SMARCA2: variants seen among roughly 807,000 people sequenced by gnomAD.
The protein encoded by SMARCA2 is SWI/SNF-related matrix-associated actin-dependent regulator of chromatin subfamily A member 2.
A neutral mutation model predicts 199.8 loss-of-function variants in SMARCA2; 61 were observed. The observed-to-expected ratio is 0.31, with a 90% CI of 0.25 to 0.38. SMARCA2 has a LOEUF of 0.38. SMARCA2 is among the 10% of genes least tolerant of loss of function. The pLI is 1.00. For synonymous variants in SMARCA2, 935 were observed against 732.0 expected (o/e 1.28, Z -4.48); for missense variants, 1,344 against 2,012.2 (o/e 0.67, Z 6.35).
chr9:2,173,080 A>G (rs1182138970), intron 29 of SMARCA2, among the ~76,000 whole-genome samples: 1 of 152,164 alleles, frequency 6.6e-6, no homozygotes, highest in African/African-American at 2.4e-5. Flanking sequence ...GAGGAGGAAG[A>G]GAACTCACAT....
intron 29 of SMARCA2, among the ~76,000 whole-genome samples, chr9:2,178,510 C>A (rs1053567676): frequency 6.6e-6 from 1 of 152,122 alleles, no homozygotes; most frequent in Non-Finnish European, 1.5e-5. Flanking sequence ...AAACAGAACA[C>A]CTTCTGTAAA....
intron 27 of SMARCA2, among the ~76,000 whole-genome samples, chr9:2,140,168 C>A (rs771387744): frequency 6.6e-6 from 1 of 152,224 alleles, no homozygotes; most frequent in African/African-American, 2.4e-5. Flanking sequence ...GTCACCTACT[C>A]TGGTCCCATT....
Position 2,192,757 on chromosome 9 carries a change from C to A in SMARCA2, c.*18C>A. 1 of 1,591,516 alleles carries A rather than the reference C, an allele frequency of 6.3e-7. No homozygotes were observed. The highest frequency in any genetic ancestry group is 1.1e-5 in the South Asian group (1 of 90,568). Reference sequence around the variant, plus strand: ...ATGAGTGATCAGTATGGACCTTTTTCCTTGGTAGAACTGAATTCCTTCCTC... The same window carrying A: ...ATGAGTGATCAGTATGGACCTTTTTACTTGGTAGAACTGAATTCCTTCCTC... On this transcript the variant is annotated 3_prime_UTR_variant, in exon 34 of 34. Coordinates refer to ENST00000349721, the MANE Select transcript of SMARCA2 (RefSeq NM_003070.5).
chr9:2,149,636 G>C (rs552400236), intron 27 of SMARCA2, among the ~76,000 whole-genome samples: 1 of 151,468 alleles, frequency 6.6e-6, no homozygotes, highest in African/African-American at 2.4e-5. Context: ...ATCTCCCACC[G>C]GGTCCTTCGC....
Position 2,123,280 on chromosome 9 carries a change from G to A in SMARCA2, c.3763-439G>A, listed in dbSNP as rs1438636163. Among the ~76,000 whole-genome samples the A allele has an allele frequency of 6.6e-6, 1 of 151,848 alleles. No homozygotes were observed. Among genetic ancestry groups the A allele is most frequent in the Non-Finnish European group, 1.5e-5 (1 of 67,986 alleles). On this transcript the variant is annotated intron_variant, in intron 26 of 33. Transcript: ENST00000349721. This position sits in a 1 kb window ranked among gnomAD's most constrained non-coding sequence, Gnocchi z 4.1. Reference sequence around the variant, plus strand: ...GCTGATTGTTTAGTTCAAAGCACAAGCCCTATTGAATAAAAGGAAACTTTC... The same window carrying A: ...GCTGATTGTTTAGTTCAAAGCACAAACCCTATTGAATAAAAGGAAACTTTC...
In SMARCA2 at chr9:2,029,207, C is replaced by G. The variant is rs1342381184; in HGVS notation, c.185C>G (p.Ser62Cys). The G allele has an allele frequency of 6.2e-7, 1 of 1,612,830 alleles. No individual in the cohort carries two copies. Among genetic ancestry groups the G allele is most frequent in the Non-Finnish European group, 8.5e-7 (1 of 1,179,404 alleles). The change falls in exon 2 of 34, where the codon TCC (serine) becomes TGC (cysteine). Residue 62 changes from serine to cysteine, a missense_variant. This residue lies in a region of SMARCA2 where 275 missense variants were observed against 247.5 expected (regional missense o/e 1.11). Transcript: ENST00000349721. ...TCCCATCCTATGCCGACGATGGGGT[C>G]CACAGACTTCCCACAGGAAGGCATG... ...SVSHPMPTMGSTDFPQEGMHQ... is the reference protein window; with the variant it reads ...SVSHPMPTMGCTDFPQEGMHQ...
intron 27 of SMARCA2, among the ~76,000 whole-genome samples, chr9:2,126,551 C>T (rs534330140): frequency 7.2e-5 from 11 of 152,360 alleles, no homozygotes; most frequent in African/African-American, 2.6e-4. Flanking sequence ...AAGAGATGTT[C>T]TCTACTGGCT....
chr9:2,131,898 C>G (rs182876507), intron 27 of SMARCA2, among the ~76,000 whole-genome samples: 2 of 148,560 alleles, frequency 1.3e-5, no homozygotes, highest in African/African-American at 5.0e-5. Context: ...AAGATCACAC[C>G]ACTGCACTGC....
At chr9:2,128,757 A>G (rs894759890) in intron 27 of SMARCA2, among the ~76,000 whole-genome samples, 1 of 152,254 alleles carries the variant, frequency 6.6e-6, no homozygotes, top group East Asian at 1.9e-4. Context: ...TAGCTTTCCA[A>G]TAAATCCACC....
intron 29 of SMARCA2, among the ~76,000 whole-genome samples, chr9:2,172,474 G>C (rs1021450937): frequency 1.1e-4 from 17 of 151,810 alleles, no homozygotes; most frequent in African/African-American, 4.1e-4. Flanking sequence ...TGCGGGAAGG[G>C]GGGATGTAGC....
At chr9:2,023,836 A>G (rs1054473482) in intron 1 of SMARCA2, among the ~76,000 whole-genome samples, 3 of 152,230 alleles carry the variant, frequency 2.0e-5, no homozygotes, top group Admixed American at 6.5e-5. Flanking sequence ...ATACAAAACA[A>G]GAGGCAGCCC....
intron 9 of SMARCA2, among the ~76,000 whole-genome samples, chr9:2,062,885 A>G (rs2130372987): frequency 6.6e-6 from 1 of 152,306 alleles, no homozygotes; most frequent in East Asian, 1.9e-4. Flanking sequence ...ACCCAACTAT[A>G]CAATGACAAG....
intron 8 of SMARCA2, among the ~76,000 whole-genome samples, chr9:2,059,643 T>C (rs972996623): frequency 1.3e-5 from 2 of 152,154 alleles, no homozygotes; most frequent in African/African-American, 4.8e-5. Flanking sequence ...AAACTGAAGT[T>C]TTTTATCACT....
At position 2,097,466 on chromosome 9, in the gene SMARCA2, A is replaced by G; in HGVS notation, c.3073A>G (p.Ile1025Val). Residue 1025 changes from isoleucine (I) to valine (V), a missense_variant, in exon 21 of 34, where the codon ATT (isoleucine) becomes GTT (valine). By Grantham distance (29) the Ile-to-Val change is conservative (BLOSUM62 3). This residue lies in a region of SMARCA2 where 98 missense variants were observed against 245.6 expected (regional missense o/e 0.40). Transcript: ENST00000349721. The part of the protein sequence containing the change: ...ICNHPYMFQH[I>V]EESFAEHLGY... ...CAACCACCCATATATGTTTCAGCAC[A>G]TTGAGGTAAGTCTGTATTGTGTGTT... 1 of 1,596,020 alleles carries G rather than the reference A, an allele frequency of 6.3e-7. No individual in the cohort carries two copies. Among genetic ancestry groups the G allele is most frequent in the Non-Finnish European group, 8.6e-7 (1 of 1,163,830 alleles).
intron 27 of SMARCA2, among the ~76,000 whole-genome samples, chr9:2,152,083 C>A (rs1278589084): frequency 1.3e-5 from 2 of 152,154 alleles, no homozygotes; most frequent in Non-Finnish European, 2.9e-5. Flanking sequence ...TTCATTGTCT[C>A]AGAAGTCACC....
At chr9:2,153,727 C>T (rs1467258978) in intron 27 of SMARCA2, among the ~76,000 whole-genome samples, 1 of 152,024 alleles carries the variant, frequency 6.6e-6, no homozygotes, top group African/African-American at 2.4e-5. Flanking sequence ...AGTTGTGGAA[C>T]AGTAATCCCA....
chr9:2,080,149 C>G (rs1470348520), intron 14 of SMARCA2: 5 of 152,222 alleles, frequency 3.3e-5, no homozygotes, highest in African/African-American at 1.2e-4. Context: ...CCTGATCATT[C>G]TCTCCATGAG....
intron 29 of SMARCA2, among the ~76,000 whole-genome samples, chr9:2,176,843 C>T (rs988669852): frequency 3.3e-5 from 5 of 152,034 alleles, no homozygotes; most frequent in Admixed American, 2.0e-4. Context: ...CAGGTGTGAG[C>T]CACTGTGCCC....
At chr9:2,127,902 T>C (rs1485782028) in intron 27 of SMARCA2, among the ~76,000 whole-genome samples, 1 of 152,190 alleles carries the variant, frequency 6.6e-6, no homozygotes, top group African/African-American at 2.4e-5. Context: ...GAATTTAGAA[T>C]TTTTTTCTGC....
Sources: allele counts gnomAD v4.1 joint callset (sites outside exome capture counted in the v4.1 genomes callset), GRCh38; gene constraint gnomAD v4.1.1; regional missense constraint gnomAD v4.1.1; non-coding constraint Gnocchi (gnomAD v3.1); transcripts MANE v1.5; gene names NCBI Gene and HGNC (gene_info 2026-07-23, HGNC 2026-07-21).